ANKRD34C: variants seen among roughly 807,000 people sequenced by gnomAD.
The protein encoded by ANKRD34C is ankyrin repeat domain-containing protein 34C.
For missense variants in ANKRD34C, 563 were observed against 653.0 expected (o/e 0.86, Z 1.50); for synonymous variants, 260 against 253.6 (o/e 1.03, Z -0.24).
chr15:79,293,879 G>C lies in ANKRD34C; in HGVS notation c.595G>C (p.Asp199His). 6.4e-7 allele frequency: 1 copy of C among 1,551,658 alleles called. No individual in the cohort carries two copies. The highest frequency in any genetic ancestry group is 8.7e-7 in the Non-Finnish European group (1 of 1,146,974). The change falls in exon 2 of 2, where the codon GAC becomes CAC. Residue 199 changes from aspartate (D) to histidine (H), a missense_variant. Transcript: ENST00000421388. ...SDIELKALGL[D>H]SPLTEKEDDF... ...CATAGAGCTGAAGGCTCTAGGCCTG[G>C]ACTCTCCACTCACTGAGAAGGAAGA...
chr15:79,287,438 C>T lies in ANKRD34C; in HGVS notation c.-45+4210C>T, dbSNP rs144561894. ...TTACTATCATTAAAATATACATCCA[C>T]CTTCTTTCTAAATTGTAAATACTTA... is the stretch of plus-strand genomic sequence containing the variant. On this transcript the variant is annotated intron_variant, in intron 1 of 1. Coordinates refer to ENST00000421388, the MANE Select transcript of ANKRD34C (RefSeq NM_001146341.2). 1.0e-2 allele frequency among the ~76,000 whole-genome samples: 1,520 copies of T among 152,280 alleles called. 36 individuals carry two copies. The highest frequency in any genetic ancestry group is 0.034 in the African/African-American group (1,407 of 41,544).
At chr15:79,286,634 C>A (rs1335238281) in intron 1 of ANKRD34C, among the ~76,000 whole-genome samples, 7 of 152,206 alleles carry the variant, frequency 4.6e-5, no homozygotes, top group African/African-American at 1.4e-4. Flanking sequence ...AAACATCTCT[C>A]CAGCTTGAGT....
At position 79,293,401 on chromosome 15, in the gene ANKRD34C, A is replaced by G. The variant is rs377442575; in HGVS notation, c.117A>G (p.Glu39=). The change falls in exon 2 of 2, where the codon GAA becomes GAG. Residue 39 remains glutamate, a synonymous_variant. Coordinates refer to ENST00000421388, the MANE Select transcript of ANKRD34C (RefSeq NM_001146341.2). ...LLLEGGAYIN[E]SNDKGETALM... ...TGGAAGGGGGAGCTTATATCAATGA[A>G]AGCAATGACAAAGGCGAAACAGCTC... The G allele has an allele frequency of 1.3e-6, 2 of 1,551,682 alleles. No homozygotes were observed.
chr15:79,284,192 C>G (rs1284319886), intron 1 of ANKRD34C, among the ~76,000 whole-genome samples: 2 of 152,092 alleles, frequency 1.3e-5, no homozygotes, highest in African/African-American at 2.4e-5. Context: ...CAAGAGAGGC[C>G]GAGTAACTTG....
At position 79,297,352 on chromosome 15, in the gene ANKRD34C, G is replaced by C. The variant is rs2058674676; in HGVS notation, c.*2460G>C. The C allele has an allele frequency of 6.0e-6, 1 of 167,078 alleles. No homozygotes were observed. Among genetic ancestry groups the C allele is most frequent in the Admixed American group, 6.5e-5 (1 of 15,278 alleles). The allele number at this position is 167,078 out of a possible 1,614,324, so 10.3% of individuals were successfully genotyped here. ...AACTGATCTCTGCTGGTAGTATTCA[G>C]TTGTGAGTATAGCAAGACACTGCAT... On this transcript the variant is annotated 3_prime_UTR_variant, in exon 2 of 2. Transcript: ENST00000421388.
rs541933496 is a variant in ANKRD34C at position 79,293,692 on chromosome 15, G to A, written c.408G>A (p.Lys136=). 3.3e-4 allele frequency: 516 copies of A among 1,551,636 alleles called. No individual in the cohort carries two copies. The highest frequency in any genetic ancestry group is 4.2e-4 in the Non-Finnish European group (477 of 1,146,956). ...AINADDKDAL[K]HLLDACKAKG... is the part of the protein sequence containing the mutation. Reference sequence around the variant, plus strand: ...ATGCAGATGACAAGGATGCATTGAAGCATCTCCTTGATGCCTGCAAAGCCA... The same window carrying A: ...ATGCAGATGACAAGGATGCATTGAAACATCTCCTTGATGCCTGCAAAGCCA... The change falls in exon 2 of 2, where the codon AAG becomes AAA. Residue 136 remains lysine, a synonymous_variant. Coordinates refer to ENST00000421388, the MANE Select transcript of ANKRD34C (RefSeq NM_001146341.2).
rs1019364725 is a variant in ANKRD34C, at chr15:79,295,355, A to G, written c.*463A>G. 3 of 172,632 alleles carry G rather than the reference A, an allele frequency of 1.7e-5. No individual in the cohort carries two copies. Among genetic ancestry groups the G allele is most frequent in the Admixed American group, 6.1e-5 (1 of 16,380 alleles). The allele number at this position is 172,632 out of a possible 1,614,324, so 10.7% of individuals were successfully genotyped here. ...GACTAAATCTGGGTGTCTGGGTTCT[A>G]TCTGATGGAGTAGAAGCAGAATTCC... On this transcript the variant is annotated 3_prime_UTR_variant, in exon 2 of 2. Transcript: ENST00000421388.
At chr15:79,284,668 C>G (rs1405802559) in intron 1 of ANKRD34C, among the ~76,000 whole-genome samples, 2 of 152,164 alleles carry the variant, frequency 1.3e-5, no homozygotes, top group Non-Finnish European at 2.9e-5. Flanking sequence ...GTAATAGCCT[C>G]TTAGATTTTT....
In ANKRD34C at chr15:79,288,681, C is replaced by T. The variant is rs144231556; in HGVS notation, c.-44-4560C>T. ...GCAAGAAAGCAAGGTGAGTGTGTAA[C>T]ACCCAGAGACAGGGAAAGTAGGCAT... On this transcript the variant is annotated intron_variant, in intron 1 of 1. Coordinates refer to ENST00000421388, the MANE Select transcript of ANKRD34C (RefSeq NM_001146341.2). Among the ~76,000 whole-genome samples the T allele has an allele frequency of 9.1e-4, 138 of 152,280 alleles. 1 individual carries two copies. The East Asian group carries it at 0.021, about 23-fold the overall frequency.
rs541438860 is a variant in ANKRD34C, at chr15:79,283,989, A to G, written c.-45+761A>G. 4 of 152,364 alleles carry G rather than the reference A, an allele frequency of 2.6e-5. No individual in the cohort carries two copies. In the East Asian group the frequency reaches 5.8e-4, roughly 22 times the overall value. 9.4% of individuals were successfully genotyped at this position (152,364 alleles called of 1,614,324 possible). The stretch of plus-strand genomic sequence containing the variant: ...CAGAAGGAAGAGGCGGAGTGTAAAG[A>G]TATCTCCCAAGCTTCCGCGAAAACT... On this transcript the variant is annotated intron_variant, in intron 1 of 1. Transcript: ENST00000421388.
Position 79,294,592 on chromosome 15 carries a change from C to A in ANKRD34C, c.1308C>A (p.Arg436=). Residue 436 remains arginine (R), a synonymous_variant, in exon 2 of 2, where the codon CGC becomes CGA. Coordinates refer to ENST00000421388, the MANE Select transcript of ANKRD34C (RefSeq NM_001146341.2). ...VPSTSPSSAR[R]RPPHLLERRG... ...GCACATCCCCCAGCTCAGCACGCCG[C>A]AGGCCGCCACATCTTCTAGAACGAC... 1 of 1,551,722 alleles carries A rather than the reference C, an allele frequency of 6.4e-7. No individual in the cohort carries two copies. The highest frequency in any genetic ancestry group is 1.2e-5 in the South Asian group (1 of 84,058).
intron 1 of ANKRD34C, among the ~76,000 whole-genome samples, chr15:79,288,812 CTTTTTTT>C (rs60075615): frequency 3.6e-5 from 2 of 55,536 alleles, no homozygotes; most frequent in African/African-American, 1.4e-4. Flanking sequence ...GCCCAGTATT[CTTTTTTT>C]TTTTTTTTTT....
In ANKRD34C at chr15:79,290,423, A is replaced by G. The variant is rs141995212; in HGVS notation, c.-44-2818A>G. Among the ~76,000 whole-genome samples the G allele has an allele frequency of 3.4e-3, 517 of 152,160 alleles. 4 individuals carry two copies. Among genetic ancestry groups the G allele is most frequent in the East Asian group, 0.026 (133 of 5,180 alleles). ...TATTAGTTTATTCTCTAATATTGCT[A>G]CACTTGGCCCAGGCCCTGGGTGTTT... On this transcript the variant is annotated intron_variant, in intron 1 of 1. Transcript: ENST00000421388.
intron 1 of ANKRD34C, among the ~76,000 whole-genome samples, chr15:79,286,108 T>C (rs192360070): frequency 1.1e-4 from 17 of 152,242 alleles, no homozygotes; most frequent in Admixed American, 2.6e-4. Context: ...TGGTGATATT[T>C]TAATCTTCAG....
rs1375662232 is a variant in ANKRD34C at position 79,294,555 on chromosome 15, A to T, written c.1271A>T (p.Asp424Val). 2 of 1,551,706 alleles carry T rather than the reference A, an allele frequency of 1.3e-6. No individual in the cohort carries two copies. Among genetic ancestry groups the T allele is most frequent in the Non-Finnish European group, 8.7e-7 (1 of 1,146,998 alleles). The change falls in exon 2 of 2, where the codon GAC (aspartate) becomes GTC (valine). Residue 424 changes from aspartate (D) to valine (V), a missense_variant. Coordinates refer to ENST00000421388, the MANE Select transcript of ANKRD34C (RefSeq NM_001146341.2). ...SLFHGSRESLDTVPSTSPSSA... is the reference protein window; with the variant it reads ...SLFHGSRESLVTVPSTSPSSA... The stretch of plus-strand genomic sequence containing the variant: ...TTCCATGGCTCTCGGGAGTCCCTGG[A>T]CACTGTACCTAGCACATCCCCCAGC...
At chr15:79,292,276 T>C (rs1430203235) in intron 1 of ANKRD34C, among the ~76,000 whole-genome samples, 2 of 152,208 alleles carry the variant, frequency 1.3e-5, no homozygotes, top group African/African-American at 4.8e-5. Context: ...GACACCCATC[T>C]CTTCTTATTT....
Position 79,295,092 on chromosome 15 carries a change from T to A in ANKRD34C, c.*200T>A, listed in dbSNP as rs2058669114. ...GCTCAGGATAATTGGGTTTTGAAGA[T>A]AAATTTTTAAAAATTCTGCAAAGGA... is the stretch of plus-strand genomic sequence containing the variant. On this transcript the variant is annotated 3_prime_UTR_variant, in exon 2 of 2. Transcript: ENST00000421388. 5.0e-6 allele frequency: 3 copies of A among 598,404 alleles called. No individual in the cohort carries two copies. In the South Asian group the frequency reaches 1.1e-4, roughly 21 times the overall value. 37.1% of individuals were successfully genotyped at this position (598,404 alleles called of 1,614,324 possible). A position where few individuals can be genotyped will look rare whatever the true frequency, so the allele number is the denominator to read the frequency against.
At position 79,293,818 on chromosome 15, in the gene ANKRD34C, C is replaced by G. The variant is rs1333046235; in HGVS notation, c.534C>G (p.Asp178Glu). 6.4e-7 allele frequency: 1 copy of G among 1,551,642 alleles called. No individual in the cohort carries two copies. The highest frequency in any genetic ancestry group is 1.4e-5 in the African/African-American group (1 of 73,072). Reference protein sequence around the residue: ...LNVPPSPKVEDRHSPPLCASP... With the variant: ...LNVPPSPKVEERHSPPLCASP... ...TCCCTCCTTCACCCAAAGTAGAAGACAGGCATTCACCTCCACTGTGTGCGT... is the reference window on the plus strand; with the variant it reads ...TCCCTCCTTCACCCAAAGTAGAAGAGAGGCATTCACCTCCACTGTGTGCGT... The change falls in exon 2 of 2, where the codon GAC becomes GAG. Residue 178 changes from aspartate to glutamate, a missense_variant. Coordinates refer to ENST00000421388, the MANE Select transcript of ANKRD34C (RefSeq NM_001146341.2).
chr15:79,286,744 C>T (rs1309433013), intron 1 of ANKRD34C, among the ~76,000 whole-genome samples: 2 of 152,120 alleles, frequency 1.3e-5, no homozygotes, highest in Non-Finnish European at 2.9e-5. Flanking sequence ...ACACTGTGGC[C>T]AATGATCATG....
Sources: allele counts gnomAD v4.1 joint callset (sites outside exome capture counted in the v4.1 genomes callset), GRCh38; gene constraint gnomAD v4.1.1; transcripts MANE v1.5; gene names NCBI Gene and HGNC (gene_info 2026-07-23, HGNC 2026-07-21).